PWP1: variants seen among roughly 807,000 people sequenced by gnomAD.
PWP1 encodes PWP1 homolog, endonuclein.
In PWP1, 47 loss-of-function variants were observed where a neutral mutation model predicts 69.9. That is an observed-to-expected ratio of 0.67 (90% confidence interval 0.53 to 0.86). PWP1 has a LOEUF of 0.86. Ranked by LOEUF, PWP1 falls within the 40% of genes least tolerant of loss-of-function variation. The pLI is 0.00. For missense variants in PWP1, 551 were observed against 608.8 expected (o/e 0.91, Z 1.00); for synonymous variants, 222 against 208.2 (o/e 1.07, Z -0.57).
intron 5 of PWP1, 113 bp downstream of exon 5, chr12:107,693,209 G>C (rs1156245779): frequency 2.5e-5 from 35 of 1,417,378 alleles, no homozygotes; most frequent in Non-Finnish European, 3.1e-5. Flanking sequence ...ATTTAAGTTG[G>C]TTACATAGTT....
At chr12:107,697,954 T>C (rs1889625152) in intron 7 of PWP1, 2 of 363,874 alleles carry the variant, frequency 5.5e-6, no homozygotes, top group Non-Finnish European at 5.3e-6. Flanking sequence ...ATTTCTGTTA[T>C]CATGTTGAAT....
At chr12:107,687,616 A>G (rs1419066681) in intron 1 of PWP1, among the ~76,000 whole-genome samples, 1 of 152,232 alleles carries the variant, frequency 6.6e-6, no homozygotes, top group East Asian at 1.9e-4. Context: ...GAGAAATTGG[A>G]CAAGCCAGTT....
Position 107,697,463 on chromosome 12 carries a change from A to C in PWP1, c.614-4A>C, listed in dbSNP as rs749330151. 1.3e-6 allele frequency: 2 copies of C among 1,573,256 alleles called. No individual in the cohort carries two copies. Among genetic ancestry groups the C allele is most frequent in the Non-Finnish European group, 1.7e-6 (2 of 1,165,602 alleles). ...AATCATACATGCATTGTTTCCTCCCATAGGAAATTACATTGCTGTAGGAAA... is the reference window on the plus strand; with the variant it reads ...AATCATACATGCATTGTTTCCTCCCCTAGGAAATTACATTGCTGTAGGAAA... On this transcript the variant is annotated splice_polypyrimidine_tract_variant and splice_region_variant and intron_variant, in intron 6 of 14. Coordinates refer to ENST00000412830, the MANE Select transcript of PWP1 (RefSeq NM_007062.3).
chr12:107,710,629 C>A, intron 14 of PWP1, 119 bp downstream of exon 14: 1 of 1,393,626 alleles, frequency 7.2e-7, no homozygotes, highest in Non-Finnish European at 9.4e-7. Flanking sequence ...CTCAAGCAAT[C>A]CTTGGTCCTC....
chr12:107,696,343 T>G, intron 5 of PWP1, 131 bp from the exon 6 acceptor site: 3 of 1,338,728 alleles, frequency 2.2e-6, no homozygotes. Flanking sequence ...TGGAATCTCT[T>G]TATAATATCA....
intron 13 of PWP1, 79 bp from the exon 14 acceptor site, chr12:107,710,326 C>A: frequency 1.3e-6 from 2 of 1,560,676 alleles, no homozygotes; most frequent in South Asian, 2.4e-5. Flanking sequence ...ATCATAGATT[C>A]TTAGAGACAA....
At chr12:107,708,850 A>G in intron 11 of PWP1, 76 bp from the exon 12 acceptor site, 1 of 1,296,410 alleles carries the variant, frequency 7.7e-7, no homozygotes, top group Non-Finnish European at 1.1e-6. Context: ...GCTGATTTTC[A>G]CTATGACTTA....
chr12:107,702,757 C>T (rs1015590175), intron 8 of PWP1, among the ~76,000 whole-genome samples, 178 bp from the exon 9 acceptor site: 3 of 152,302 alleles, frequency 2.0e-5, no homozygotes, highest in South Asian at 2.1e-4. Context: ...TATTTAGATA[C>T]TCTTGTTTCC....
At chr12:107,705,370 G>C (rs183134680) in intron 11 of PWP1, among the ~76,000 whole-genome samples, 25 of 151,106 alleles carry the variant, frequency 1.7e-4, no homozygotes, top group Admixed American at 1.1e-3. Flanking sequence ...AGGTGAGAAA[G>C]AGTTTTTTTT....
intron 5 of PWP1, 59 bp from the exon 6 acceptor site, chr12:107,696,415 G>C (rs527835354): frequency 1.3e-6 from 2 of 1,586,552 alleles, no homozygotes; most frequent in Non-Finnish European, 1.7e-6. Flanking sequence ...TTTTGAGCGG[G>C]ATGTGATTTT....
intron 6 of PWP1, among the ~76,000 whole-genome samples, chr12:107,697,096 T>A (rs758242231): frequency 6.6e-6 from 1 of 152,200 alleles, no homozygotes; most frequent in Non-Finnish European, 1.5e-5. Context: ...TTTGCACACC[T>A]TGTTCACATT....
At chr12:107,697,155 G>C (rs973891710) in intron 6 of PWP1, among the ~76,000 whole-genome samples, 1 of 152,036 alleles carries the variant, frequency 6.6e-6, no homozygotes, top group South Asian at 2.1e-4. Flanking sequence ...GAAGGAGGAC[G>C]GGAGGAGGGT....
At position 107,700,964 on chromosome 12, in the gene PWP1, A is replaced by C. The variant is rs146142854; in HGVS notation, c.806+1530A>C. On this transcript the variant is annotated intron_variant, in intron 8 of 14. Coordinates refer to ENST00000412830, the MANE Select transcript of PWP1 (RefSeq NM_007062.3). ...AAGCTGGTCTCAAATTCTTGGGCTC[A>C]AGCAATCCCCCCGCCTCAGCTTCCC... Among the ~76,000 whole-genome samples, 516 of 152,270 alleles carry C rather than the reference A, an allele frequency of 3.4e-3. 4 individuals are homozygous for C. The highest frequency in any genetic ancestry group is 0.012 in the African/African-American group (488 of 41,540).
chr12:107,713,016 C>G lies in PWP1; in HGVS notation c.*796C>G, dbSNP rs929480813. 3 of 152,172 alleles carry G rather than the reference C, an allele frequency of 2.0e-5. No homozygotes were observed. The highest frequency in any genetic ancestry group is 4.4e-5 in the Non-Finnish European group (3 of 68,028). The allele number at this position is 152,172 out of a possible 1,614,324, so 9.4% of individuals were successfully genotyped here. ...CCAGAAGAGTAATCAGTTCATGAAC[C>G]ATTGATATTTCCTGTATATTTCATG... On this transcript the variant is annotated 3_prime_UTR_variant, in exon 15 of 15. Coordinates refer to ENST00000412830, the MANE Select transcript of PWP1 (RefSeq NM_007062.3).
intron 3 of PWP1, among the ~76,000 whole-genome samples, chr12:107,690,542 C>T (rs1889459552): frequency 6.6e-6 from 1 of 152,140 alleles, no homozygotes; most frequent in African/African-American, 2.4e-5. Flanking sequence ...CGGCTCACTG[C>T]AGCCTCTGAC....
intron 10 of PWP1, 134 bp from the exon 11 acceptor site, chr12:107,704,502 C>T (rs1231318328): frequency 6.5e-6 from 4 of 612,404 alleles, no homozygotes; most frequent in East Asian, 3.0e-5. Context: ...TTTTTTTCTA[C>T]TTTATTTAGA....
chr12:107,690,415 AAT>A (rs1173684497), intron 3 of PWP1, among the ~76,000 whole-genome samples: 1 of 152,204 alleles, frequency 6.6e-6, no homozygotes, highest in African/African-American at 2.4e-5. Context: ...GGCACTTAAA[AAT>A]ATCAGTATCT....
At chr12:107,705,709 T>G (rs1889809508) in intron 11 of PWP1, among the ~76,000 whole-genome samples, 1 of 152,132 alleles carries the variant, frequency 6.6e-6, no homozygotes, top group Admixed American at 6.5e-5. Flanking sequence ...GAACTCATTC[T>G]TTTTTATGGC....
intron 3 of PWP1, among the ~76,000 whole-genome samples, chr12:107,689,710 C>T (rs939566565): frequency 6.6e-6 from 1 of 152,140 alleles, no homozygotes; most frequent in Non-Finnish European, 1.5e-5. Flanking sequence ...CGTGCCACTG[C>T]ACTCCAGCCT....
Sources: gnomAD v4.1 joint callset for allele counts (sites outside exome capture counted in the v4.1 genomes callset) on GRCh38, gnomAD v4.1.1 for gene constraint, MANE v1.5 for transcripts, NCBI Gene and HGNC (gene_info 2026-07-23, HGNC 2026-07-21) for gene names.